The following WDR20 variants were observed in gnomAD, a reference collection of about 807,000 sequenced individuals.
WDR20 encodes the protein WD repeat domain 20, also known as WD repeat-containing protein 20.
In WDR20, 3 loss-of-function variants were observed where a neutral mutation model predicts 38.7. That is an observed-to-expected ratio of 0.08 (90% CI 0.04 to 0.20). WDR20 has a LOEUF of 0.20. Among genes scored for constraint, WDR20 ranks in the 10% least tolerant of loss-of-function variants. The pLI is 1.00. For synonymous variants in WDR20, 298 were observed against 285.6 expected, an observed-to-expected ratio of 1.04 and a Z score of -0.44; for missense variants, 559 against 727.7, an observed-to-expected ratio of 0.77 and a Z score of 2.67.
rs151201318 is a variant in WDR20, at chr14:102,176,210, T to C, written c.250-18728T>C. On this transcript the variant is annotated intron_variant, in intron 1 of 2. Coordinates refer to ENST00000342702, the MANE Select transcript of WDR20 (RefSeq NM_144574.4). ...GAGATCGAGAACATCCTGGCTGACA[T>C]GGTGAAGCCCCATCTCTACTAAAAA... is the stretch of plus-strand genomic sequence containing the variant. 4.6e-3 allele frequency among the ~76,000 whole-genome samples: 689 copies of C among 151,332 alleles called. 6 individuals carry two copies. Among genetic ancestry groups the C allele is most frequent in the African/African-American group, 0.016 (638 of 41,152 alleles).
intron 1 of WDR20, among the ~76,000 whole-genome samples, chr14:102,180,221 T>C (rs2063098164): frequency 6.6e-6 from 1 of 152,206 alleles, no homozygotes; most frequent in Non-Finnish European, 1.5e-5. Context: ...CTGATCACTT[T>C]ACATATTTTA....
chr14:102,223,061 AAAG>A (rs780897706), exon 4 of WDR20: 11 of 605,760 alleles, frequency 1.8e-5, no homozygotes, highest in Non-Finnish European at 2.8e-5. Flanking sequence ...CTGCTCACCC[AAAG>A]AAGTTGTTTC....
At chr14:102,185,716 A>G (rs887849245) in intron 1 of WDR20, among the ~76,000 whole-genome samples, 3 of 151,720 alleles carry the variant, frequency 2.0e-5, no homozygotes, top group Non-Finnish European at 4.4e-5. Context: ...ATGGATGGAC[A>G]CCCAAGAAGG....
intron 1 of WDR20, among the ~76,000 whole-genome samples, chr14:102,159,457 A>G (rs1227174946): frequency 6.6e-6 from 1 of 152,202 alleles, no homozygotes; most frequent in East Asian, 1.9e-4. Context: ...ATTCTAAGAC[A>G]ATCCTCAAGT....
At chr14:102,184,905 G>A (rs376056529) in intron 1 of WDR20, among the ~76,000 whole-genome samples, 1 of 152,236 alleles carries the variant, frequency 6.6e-6, no homozygotes, top group Admixed American at 6.5e-5. Flanking sequence ...CATCAGAAGC[G>A]CGCTAGAGAC....
chr14:102,186,911 C>T (rs1226882311), intron 1 of WDR20, among the ~76,000 whole-genome samples: 1 of 151,432 alleles, frequency 6.6e-6, no homozygotes, highest in Non-Finnish European at 1.5e-5. Flanking sequence ...GATCGTGCCA[C>T]TGCACTCCAG....
intron 2 of WDR20, among the ~76,000 whole-genome samples, chr14:102,199,033 G>A (rs751418863): frequency 6.6e-6 from 1 of 152,128 alleles, no homozygotes; most frequent in Non-Finnish European, 1.5e-5. Context: ...AGAGATGATG[G>A]TGAGAACAAA....
chr14:102,198,818 G>C (rs1434258358), intron 2 of WDR20, among the ~76,000 whole-genome samples: 2 of 152,176 alleles, frequency 1.3e-5, no homozygotes, highest in Non-Finnish European at 2.9e-5. Flanking sequence ...GGTGTCTCTT[G>C]CTGTGTTGGG....
At chr14:102,189,315 C>T (rs1215416867) in intron 1 of WDR20, among the ~76,000 whole-genome samples, 1 of 152,148 alleles carries the variant, frequency 6.6e-6, no homozygotes, top group African/African-American at 2.4e-5. Flanking sequence ...CTAGTTGTTT[C>T]TTTAGTAGGA....
downstream of WDR20, among the ~76,000 whole-genome samples, chr14:102,224,059 T>G (rs1420167998): frequency 2.7e-5 from 4 of 149,752 alleles, no homozygotes; most frequent in African/African-American, 1.0e-4. Flanking sequence ...TTTTTTTTTT[T>G]GAGATGGAGT....
chr14:102,219,103 C>T (rs1417070530), downstream of WDR20, among the ~76,000 whole-genome samples: 2 of 152,194 alleles, frequency 1.3e-5, no homozygotes, highest in Non-Finnish European at 2.9e-5. Flanking sequence ...GCTGTGCTCT[C>T]GAGGGAAGCT....
intron 1 of WDR20, among the ~76,000 whole-genome samples, chr14:102,145,223 A>G (rs2053179806): frequency 6.6e-6 from 1 of 152,200 alleles, no homozygotes; most frequent in Admixed American, 6.5e-5. Context: ...CTTGAAAGAG[A>G]TCTTTAGAAG....
intron 1 of WDR20, among the ~76,000 whole-genome samples, chr14:102,182,674 GT>G (rs1188988984): frequency 6.6e-6 from 1 of 151,446 alleles, no homozygotes; most frequent in African/African-American, 2.4e-5. Context: ...AGTTTTAGTA[GT>G]TTTTTTGGTT....
At chr14:102,176,612 C>A (rs1397119614) in intron 1 of WDR20, among the ~76,000 whole-genome samples, 1 of 151,760 alleles carries the variant, frequency 6.6e-6, no homozygotes, top group African/African-American at 2.4e-5. Flanking sequence ...AGTTTTCTTT[C>A]CCTTTTTTTT....
chr14:102,184,850 A>G (rs2064229409), intron 1 of WDR20, among the ~76,000 whole-genome samples: 1 of 152,154 alleles, frequency 6.6e-6, no homozygotes, highest in Admixed American at 6.6e-5. Flanking sequence ...GGCTAAACGC[A>G]GCCCCTTGAA....
At chr14:102,217,365 G>A (rs923795716), downstream of WDR20, among the ~76,000 whole-genome samples, 4 of 152,184 alleles carry the variant, frequency 2.6e-5, no homozygotes, top group East Asian at 1.9e-4. Context: ...TTAGATGGTC[G>A]TGCCCTTCAT....
chr14:102,206,464 A>G (rs1014839432), intron 2 of WDR20, among the ~76,000 whole-genome samples: 1 of 152,178 alleles, frequency 6.6e-6, no homozygotes, highest in African/African-American at 2.4e-5. Flanking sequence ...GTGTTTTTTA[A>G]GGCCCAAAAT....
downstream of WDR20, among the ~76,000 whole-genome samples, chr14:102,216,895 T>C (rs1364712680): frequency 2.0e-5 from 3 of 150,710 alleles, no homozygotes; most frequent in African/African-American, 7.5e-5. Flanking sequence ...ATGGCGCCAC[T>C]GCACTCCAGC....
At position 102,175,277 on chromosome 14, in the gene WDR20, A is replaced by G. The variant is rs139862831; in HGVS notation, c.250-19661A>G. 1.1e-4 allele frequency among the ~76,000 whole-genome samples: 17 copies of G among 152,268 alleles called. No individual in the cohort carries two copies. In the Middle Eastern group the frequency reaches 0.02, roughly 183 times the overall value. The stretch of plus-strand genomic sequence containing the variant: ...TTATTCTTCTACATGTGGCTTACCA[A>G]TTATCCCAGCACCATTCATTGAATA... On this transcript the variant is annotated intron_variant, in intron 1 of 2. Transcript: ENST00000342702.
Sources: gnomAD v4.1 joint callset for allele counts (sites outside exome capture counted in the v4.1 genomes callset) on GRCh38, gnomAD v4.1.1 for gene constraint, MANE v1.5 for transcripts, NCBI Gene and HGNC (gene_info 2026-07-23, HGNC 2026-07-21) for gene names.